RGS6: variants seen among roughly 807,000 people sequenced by gnomAD.
The protein encoded by RGS6 is regulator of G-protein signaling 6.
RGS6 carries 30 observed loss-of-function variants against 78.5 expected under a neutral mutation model. That is an observed-to-expected ratio of 0.38 (90% CI 0.29 to 0.52). The LOEUF (loss-of-function observed/expected upper bound fraction) is 0.52. Ranked by LOEUF, RGS6 falls within the 20% of genes least tolerant of loss-of-function variation. The probability of loss-of-function intolerance (pLI) is 0.85; values close to 1 mark genes in which losing one functional copy is unlikely to be tolerated. For missense variants in RGS6, 495 were observed against 609.7 expected, an observed-to-expected ratio of 0.81 and a Z score of 1.98; for synonymous variants, 206 against 206.0, an observed-to-expected ratio of 1.00 and a Z score of 0.00.
intron 3 of RGS6, among the ~76,000 whole-genome samples, chr14:72,430,992 A>C (rs546123009): frequency 6.6e-6 from 1 of 152,318 alleles, no homozygotes; most frequent in African/African-American, 2.4e-5. Context: ...ATTTCCATCC[A>C]ACTGAAGGGG....
At chr14:72,285,606 C>T (rs544758410) in intron 2 of RGS6, among the ~76,000 whole-genome samples, 1 of 152,272 alleles carries the variant, frequency 6.6e-6, no homozygotes, top group Admixed American at 6.5e-5. Context: ...CTTTCCATAG[C>T]AGCTACAACA....
At chr14:72,227,299 G>A (rs2048352459) in intron 2 of RGS6, among the ~76,000 whole-genome samples, 1 of 151,948 alleles carries the variant, frequency 6.6e-6, no homozygotes, top group Non-Finnish European at 1.5e-5. Context: ...ATTTGTTTTA[G>A]ACACAAGATC....
intron 2 of RGS6, among the ~76,000 whole-genome samples, chr14:72,133,333 C>A (rs561700228): frequency 4.6e-5 from 7 of 152,154 alleles, no homozygotes; most frequent in African/African-American, 1.7e-4. Flanking sequence ...AAGATATACT[C>A]TAGTTACTCA....
At chr14:72,325,800 A>G (rs2073583703) in intron 2 of RGS6, among the ~76,000 whole-genome samples, 1 of 152,194 alleles carries the variant, frequency 6.6e-6, no homozygotes, top group Non-Finnish European at 1.5e-5. Context: ...TCTCACTCAC[A>G]ATAAATGTAT....
intron 13 of RGS6, among the ~76,000 whole-genome samples, chr14:72,499,287 C>T (rs995354264): frequency 3.2e-4 from 48 of 152,234 alleles, no homozygotes; most frequent in African/African-American, 1.1e-3. Context: ...GGCAGGAACA[C>T]AATCCTCTGG....
intron 2 of RGS6, among the ~76,000 whole-genome samples, chr14:72,203,837 T>C (rs2042125436): frequency 6.7e-6 from 1 of 149,830 alleles, no homozygotes; most frequent in African/African-American, 2.5e-5. Context: ...TTTTTTTTTT[T>C]TTTTTGAGAC....
intron 15 of RGS6, among the ~76,000 whole-genome samples, chr14:72,528,589 T>C (rs1490889609): frequency 1.3e-5 from 2 of 152,186 alleles, no homozygotes; most frequent in African/African-American, 4.8e-5. Context: ...TGCTTGTTCA[T>C]AGTCAGCTTA....
chr14:72,309,156 C>T (rs2067956645), intron 2 of RGS6, among the ~76,000 whole-genome samples: 3 of 152,118 alleles, frequency 2.0e-5, no homozygotes, highest in Non-Finnish European at 4.4e-5. Context: ...CATGTGGAAC[C>T]GGAGCTGTTC....
At chr14:72,465,852 T>G (rs373559756) in intron 7 of RGS6, 30 bp downstream of exon 7, 2 of 1,566,076 alleles carry the variant, frequency 1.3e-6, no homozygotes, top group African/African-American at 2.7e-5. Context: ...AGGATACATA[T>G]AAGAAGAGAG....
intron 2 of RGS6, among the ~76,000 whole-genome samples, chr14:72,076,141 T>C (rs563847519): frequency 5.4e-4 from 82 of 152,330 alleles, no homozygotes; most frequent in African/African-American, 1.7e-3. Flanking sequence ...TGTCATGCCA[T>C]TACTAGAGGG....
chr14:72,416,720 G>A (rs1373931434), intron 3 of RGS6, among the ~76,000 whole-genome samples: 3 of 152,136 alleles, frequency 2.0e-5, no homozygotes, highest in Non-Finnish European at 4.4e-5. Flanking sequence ...GTCAAACTCA[G>A]GAAGGAACAA....
At chr14:72,063,718 G>T (rs538114336) in intron 2 of RGS6, among the ~76,000 whole-genome samples, 1 of 152,248 alleles carries the variant, frequency 6.6e-6, no homozygotes, top group East Asian at 1.9e-4. Flanking sequence ...TGGTGGGTTG[G>T]CTGCTGCATT....
At chr14:72,207,349 T>C (rs2042959991) in intron 2 of RGS6, among the ~76,000 whole-genome samples, 2 of 152,196 alleles carry the variant, frequency 1.3e-5, no homozygotes, top group African/African-American at 4.8e-5. Flanking sequence ...TTTTTAGGTA[T>C]ATGAGATTAC....
At chr14:72,076,360 T>C (rs2094573728) in intron 2 of RGS6, among the ~76,000 whole-genome samples, 1 of 152,356 alleles carries the variant, frequency 6.6e-6, no homozygotes, top group East Asian at 1.9e-4. Context: ...TTTTAATAGA[T>C]AGCATTGCAT....
intron 3 of RGS6, among the ~76,000 whole-genome samples, chr14:72,399,961 T>C (rs2092144131): frequency 6.6e-6 from 1 of 152,094 alleles, no homozygotes. Flanking sequence ...TGGAAAACAC[T>C]CTGCAGGATA....
At chr14:72,555,780 G>GACAT (rs530979136) in intron 17 of RGS6, among the ~76,000 whole-genome samples, 152 of 152,348 alleles carry the variant, frequency 1.0e-3, no homozygotes, top group South Asian at 2.7e-3. Context: ...GCATGTTGTG[G>GACAT]ACATAAGTAA....
the RGS6 span, among the ~76,000 whole-genome samples, chr14:71,915,391 C>T: frequency 1.3e-5 from 2 of 152,210 alleles, no homozygotes; most frequent in Non-Finnish European, 2.9e-5. Flanking sequence ...CACCTGTCTT[C>T]CTGTGTAGCA....
At chr14:72,244,477 C>T (rs533501710) in intron 2 of RGS6, among the ~76,000 whole-genome samples, 1 of 152,286 alleles carries the variant, frequency 6.6e-6, no homozygotes, top group South Asian at 2.1e-4. Flanking sequence ...GGAGAAGGGA[C>T]GTGACTGCAC....
chr14:71,970,718 C>G lies in RGS6; in HGVS notation c.84+5843C>G, dbSNP rs371147160. Among the ~76,000 whole-genome samples the G allele has an allele frequency of 6.0e-4, 91 of 152,164 alleles. No individual in the cohort carries two copies. In the Middle Eastern group the frequency reaches 0.01, roughly 17 times the overall value. On this transcript the variant is annotated intron_variant, in intron 2 of 17. Transcript: ENST00000553525. ...TTTGTGTGCCAGACACTATTAGATG[C>G]TAGGAATGCAAGATGAGAACTGAGC...
Sources: gnomAD v4.1 joint callset for allele counts (sites outside exome capture counted in the v4.1 genomes callset) on GRCh38, gnomAD v4.1.1 for gene constraint, MANE v1.5 for transcripts, NCBI Gene and HGNC (gene_info 2026-07-23, HGNC 2026-07-21) for gene names.